The following GPC5 variants were observed in gnomAD, a reference collection of about 807,000 sequenced individuals.
The protein encoded by GPC5 is glypican-5.
In GPC5, 47 loss-of-function variants were observed where a neutral mutation model predicts 53.9. That is an observed-to-expected ratio of 0.87 (90% confidence interval 0.69 to 1.11). GPC5 has a LOEUF of 1.11. GPC5 is among the 50% of genes most tolerant of loss of function. The pLI, the probability that GPC5 is intolerant of heterozygous loss-of-function variation, is 0.00. For synonymous variants in GPC5, 286 were observed against 263.3 expected, an observed-to-expected ratio of 1.09 and a Z score of -0.84; for missense variants, 748 against 713.1, an observed-to-expected ratio of 1.05 and a Z score of -0.56.
In GPC5 at chr13:91,429,157, T is replaced by A. The variant is rs1879257109; in HGVS notation, c.164-19604T>A. ...CTGGTCTCAAACTTCTGGCCTCAAG[T>A]GATTCACCTGACTTGGCCTCCCAAA... On this transcript the variant is annotated intron_variant, in intron 1 of 7. Transcript: ENST00000377067. Among the ~76,000 whole-genome samples the A allele has an allele frequency of 4.6e-5, 7 of 152,216 alleles. No homozygotes were observed. The South Asian group carries it at 1.2e-3, about 27-fold the overall frequency.
intron 6 of GPC5, among the ~76,000 whole-genome samples, chr13:91,950,112 G>T (rs1189878441): frequency 6.6e-6 from 1 of 151,936 alleles, no homozygotes; most frequent in East Asian, 1.9e-4. Flanking sequence ...TACAGAGTTG[G>T]GCCCCATTAA....
chr13:91,907,736 A>G (rs1203559037), intron 5 of GPC5, among the ~76,000 whole-genome samples: 3 of 151,894 alleles, frequency 2.0e-5, no homozygotes, highest in Admixed American at 1.3e-4. Context: ...CATTATTTTT[A>G]GATTGATCTA....
intron 6 of GPC5, among the ~76,000 whole-genome samples, chr13:91,924,269 A>G (rs540680616): frequency 2.2e-4 from 33 of 152,358 alleles, no homozygotes; most frequent in Non-Finnish European, 2.5e-4. Flanking sequence ...ATTATTAATG[A>G]GAATTGAGTA....
intron 7 of GPC5, among the ~76,000 whole-genome samples, chr13:92,371,171 C>A (rs1474538490): frequency 1.3e-5 from 2 of 152,078 alleles, no homozygotes; most frequent in East Asian, 1.9e-4. Flanking sequence ...CAAACCAAAA[C>A]AAAACAAAAA....
chr13:92,461,991 T>C (rs957351107), intron 7 of GPC5, among the ~76,000 whole-genome samples: 1 of 152,176 alleles, frequency 6.6e-6, no homozygotes, highest in African/African-American at 2.4e-5. Flanking sequence ...GGATAGCTGA[T>C]GGGCAGCTGG....
At chr13:91,807,309 A>G (rs1288073400) in intron 5 of GPC5, among the ~76,000 whole-genome samples, 1 of 152,174 alleles carries the variant, frequency 6.6e-6, no homozygotes, top group African/African-American at 2.4e-5. Flanking sequence ...ATAAATTACC[A>G]CAAAAATTTT....
rs919771160 is a variant in GPC5, at chr13:91,770,966, T to C, written c.1280+14546T>C. ...ATTCATAGTGAATGAAAGTCTGTCA[T>C]GTTTGTGTTATCTGGAAAATATAAA... On this transcript the variant is annotated intron_variant, in intron 5 of 7. Transcript: ENST00000377067. 5.3e-5 allele frequency among the ~76,000 whole-genome samples: 8 copies of C among 152,302 alleles called. No homozygotes were observed. The South Asian group carries it at 1.0e-3, about 20-fold the overall frequency.
Position 92,662,664 on chromosome 13 carries a change from G to A in GPC5, c.1562-203618G>A, listed in dbSNP as rs550817225. ...TACTTGGCCCTTGCTTAAAAAGGTC[G>A]TGAAGTGCCTGGGAGTTTATTTCCC... On this transcript the variant is annotated intron_variant, in intron 7 of 7. Transcript: ENST00000377067. 2.0e-5 allele frequency among the ~76,000 whole-genome samples: 3 copies of A among 152,258 alleles called. No individual in the cohort carries two copies. In the East Asian group the frequency reaches 5.8e-4, roughly 29 times the overall value.
At chr13:92,705,034 A>G (rs1010975916) in intron 7 of GPC5, among the ~76,000 whole-genome samples, 2 of 151,824 alleles carry the variant, frequency 1.3e-5, no homozygotes, top group Non-Finnish European at 2.9e-5. Flanking sequence ...TGGGACTGCA[A>G]ATATGGATGT....
chr13:92,263,591 A>G (rs2042781190), intron 7 of GPC5, among the ~76,000 whole-genome samples: 1 of 152,124 alleles, frequency 6.6e-6, no homozygotes, highest in Non-Finnish European at 1.5e-5. Flanking sequence ...AGTGGGGTAG[A>G]AGGTAGGGAA....
chr13:91,478,880 A>T (rs9583935), intron 2 of GPC5, among the ~76,000 whole-genome samples: 1,129 of 27,656 alleles, frequency 0.041, 60 homozygotes, highest in African/African-American at 0.082. Flanking sequence ...ATATATACAC[A>T]TTATATATAT....
At chr13:92,170,495 G>C (rs2042062505) in intron 7 of GPC5, among the ~76,000 whole-genome samples, 1 of 117,604 alleles carries the variant, frequency 8.5e-6, no homozygotes, top group Admixed American at 1.3e-4. Flanking sequence ...GTGTGATCTT[G>C]GCTCACTGGA....
chr13:91,438,980 C>T (rs1156607494), intron 1 of GPC5, among the ~76,000 whole-genome samples: 1 of 152,224 alleles, frequency 6.6e-6, no homozygotes, highest in Non-Finnish European at 1.5e-5. Flanking sequence ...ATATAATCTC[C>T]TGGTGTGCTG....
intron 6 of GPC5, among the ~76,000 whole-genome samples, chr13:92,003,809 T>C (rs2040579070): frequency 6.6e-6 from 1 of 152,176 alleles, no homozygotes; most frequent in Non-Finnish European, 1.5e-5. Context: ...GTAGTCTTGA[T>C]CCATATTGAT....
chr13:92,773,482 T>C (rs1875684524), intron 7 of GPC5, among the ~76,000 whole-genome samples: 1 of 152,206 alleles, frequency 6.6e-6, no homozygotes, highest in Admixed American at 6.5e-5. Context: ...AAGGATTTCT[T>C]CTACTGAGAT....
At chr13:91,888,819 A>G (rs2039354325) in intron 5 of GPC5, among the ~76,000 whole-genome samples, 1 of 152,158 alleles carries the variant, frequency 6.6e-6, no homozygotes, top group Admixed American at 6.5e-5. Context: ...TCCTCAATAG[A>G]GAAGGAATAT....
intron 7 of GPC5, among the ~76,000 whole-genome samples, chr13:92,164,701 A>G (rs9556154): frequency 0.05 from 7,673 of 152,086 alleles, 462 homozygotes; most frequent in African/African-American, 0.14. Flanking sequence ...GCTCCACTAG[A>G]TAGTGCCCCA....
intron 6 of GPC5, among the ~76,000 whole-genome samples, chr13:92,025,403 G>A (rs2040793012): frequency 6.6e-6 from 1 of 152,128 alleles, no homozygotes; most frequent in African/African-American, 2.4e-5. Context: ...GAAAGGAACT[G>A]TCTAAAATTT....
At chr13:92,780,543 G>T (rs1455414046) in intron 7 of GPC5, among the ~76,000 whole-genome samples, 1 of 151,994 alleles carries the variant, frequency 6.6e-6, no homozygotes, top group Non-Finnish European at 1.5e-5. Context: ...CAGTATCAAT[G>T]ATAATGCTCA....
Sources: gnomAD v4.1 joint callset for allele counts (sites outside exome capture counted in the v4.1 genomes callset) on GRCh38, gnomAD v4.1.1 for gene constraint, MANE v1.5 for transcripts, NCBI Gene and HGNC (gene_info 2026-07-23, HGNC 2026-07-21) for gene names.